The following RBMS3 variants were observed in gnomAD, a reference collection of about 807,000 sequenced individuals.
RBMS3 encodes RNA-binding motif, single-stranded-interacting protein 3.
RBMS3 carries 27 observed loss-of-function variants against 66.8 expected under a neutral mutation model. The ratio of observed to expected loss-of-function variants is 0.40; its 90% CI spans 0.30 to 0.56. The LOEUF (loss-of-function observed/expected upper bound fraction) is 0.56. RBMS3 is among the 20% of genes least tolerant of loss of function. The pLI, the probability that RBMS3 is intolerant of heterozygous loss-of-function variation, is 0.40. For missense variants in RBMS3, 513 were observed against 549.5 expected (o/e 0.93, Z 0.66); for synonymous variants, 188 against 183.0 (o/e 1.03, Z -0.22).
chr3:29,918,251 T>C lies in RBMS3; in HGVS notation c.940-17835T>C, dbSNP rs200406574. Among the ~76,000 whole-genome samples, 6 of 152,324 alleles carry C rather than the reference T, an allele frequency of 3.9e-5. No homozygotes were observed. In the East Asian group the frequency reaches 1.2e-3, roughly 29 times the overall value. The stretch of plus-strand genomic sequence containing the variant: ...AAAATTATTATTGGATTCTTCTGTA[T>C]ATGAAAGACAAAATATTAGTATGTT... On this transcript the variant is annotated intron_variant, in intron 10 of 14. Coordinates refer to ENST00000383767, the MANE Select transcript of RBMS3 (RefSeq NM_001003793.3).
At chr3:29,503,106 C>A (rs976511724) in intron 3 of RBMS3, among the ~76,000 whole-genome samples, 1 of 151,942 alleles carries the variant, frequency 6.6e-6, no homozygotes, top group African/African-American at 2.4e-5. Context: ...TGGATGAATC[C>A]AGAGATAAAC....
At chr3:29,596,869 A>T (rs2047963030) in intron 4 of RBMS3, among the ~76,000 whole-genome samples, 1 of 152,184 alleles carries the variant, frequency 6.6e-6, no homozygotes, top group Non-Finnish European at 1.5e-5. Flanking sequence ...AGTACTGGTT[A>T]TATTTTAATG....
At chr3:29,786,243 T>A (rs2149418569) in intron 6 of RBMS3, among the ~76,000 whole-genome samples, 1 of 152,200 alleles carries the variant, frequency 6.6e-6, no homozygotes, top group East Asian at 1.9e-4. Flanking sequence ...GAATCAGTGT[T>A]GTGAAAATGA....
intron 3 of RBMS3, among the ~76,000 whole-genome samples, chr3:29,535,734 T>C (rs2149001362): frequency 7.1e-6 from 1 of 141,638 alleles, no homozygotes; most frequent in South Asian, 2.3e-4. Flanking sequence ...TTTTTTTTTT[T>C]TTTTTTTGCT....
intron 1 of RBMS3, among the ~76,000 whole-genome samples, chr3:29,357,364 C>G (rs1167950486): frequency 6.6e-6 from 1 of 152,160 alleles, no homozygotes; most frequent in Non-Finnish European, 1.5e-5. Context: ...CATGTCCCTA[C>G]AAAGGACATG....
intron 3 of RBMS3, among the ~76,000 whole-genome samples, chr3:29,498,614 T>C (rs1397666412): frequency 1.3e-5 from 2 of 152,220 alleles, no homozygotes; most frequent in African/African-American, 4.8e-5. Flanking sequence ...ATGATCTTAG[T>C]TTCCTTGGAC....
At chr3:29,575,279 A>G (rs2047080001) in intron 3 of RBMS3, among the ~76,000 whole-genome samples, 1 of 151,284 alleles carries the variant, frequency 6.6e-6, no homozygotes, top group African/African-American at 2.4e-5. Context: ...ATTCAAGGGT[A>G]AAAGTTTTTT....
At chr3:29,792,221 C>T (rs2057036543) in intron 6 of RBMS3, among the ~76,000 whole-genome samples, 1 of 152,142 alleles carries the variant, frequency 6.6e-6, no homozygotes, top group South Asian at 2.1e-4. Flanking sequence ...GGATGTAGAA[C>T]AATATCCAAA....
At chr3:29,996,835 C>A (rs1343376227) in intron 14 of RBMS3, among the ~76,000 whole-genome samples, 1 of 152,036 alleles carries the variant, frequency 6.6e-6, no homozygotes, top group Non-Finnish European at 1.5e-5. Context: ...AAAATTGACA[C>A]CCTAATATCA....
rs188175152 is a variant in RBMS3 at position 29,507,525 on chromosome 3, C to A, written c.307+19026C>A. On this transcript the variant is annotated intron_variant, in intron 3 of 14. Transcript: ENST00000383767. ...AAAAAAAGACAAATCTATGTATGCT[C>A]TGCTAATAACTAGGTCAAAATGTGA... Among the ~76,000 whole-genome samples, 4 of 152,094 alleles carry A rather than the reference C, an allele frequency of 2.6e-5. No individual in the cohort carries two copies. The East Asian group carries it at 7.7e-4, about 29-fold the overall frequency.
intron 6 of RBMS3, among the ~76,000 whole-genome samples, chr3:29,790,582 A>G (rs1192621321): frequency 6.6e-6 from 1 of 152,114 alleles, no homozygotes; most frequent in Non-Finnish European, 1.5e-5. Context: ...GCCTACATAG[A>G]TGTCAGAGAT....
Position 29,596,429 on chromosome 3 carries a change from C to T in RBMS3, c.399+9224C>T, listed in dbSNP as rs183593054. On this transcript the variant is annotated intron_variant, in intron 4 of 14. Coordinates refer to ENST00000383767, the MANE Select transcript of RBMS3 (RefSeq NM_001003793.3). ...GCAAAAAGGCAAGGAGACAGACAAA[C>T]GGATGCAGGGAATAAAGGAGATTAT... is the stretch of plus-strand genomic sequence containing the variant. Among the ~76,000 whole-genome samples the T allele has an allele frequency of 5.3e-5, 8 of 152,306 alleles. No homozygotes were observed. In the East Asian group the frequency reaches 5.8e-4, roughly 11 times the overall value.
At chr3:29,360,060 G>A (rs552885836) in intron 1 of RBMS3, among the ~76,000 whole-genome samples, 1 of 152,048 alleles carries the variant, frequency 6.6e-6, no homozygotes, top group East Asian at 1.9e-4. Context: ...GTTCTGCTCT[G>A]ATCTTAGTTA....
At chr3:30,003,105 C>T (rs779728633) in intron 14 of RBMS3, among the ~76,000 whole-genome samples, 114 of 152,066 alleles carry the variant, frequency 7.5e-4, no homozygotes, top group Non-Finnish European at 1.3e-3. Context: ...TCTATAGCAC[C>T]ACTCTGAAGT....
At chr3:29,876,225 G>A (rs1374267361) in intron 7 of RBMS3, among the ~76,000 whole-genome samples, 1 of 151,968 alleles carries the variant, frequency 6.6e-6, no homozygotes, top group African/African-American at 2.4e-5. Context: ...AATTTGGTTT[G>A]AGCCCACATC....
intron 1 of RBMS3, among the ~76,000 whole-genome samples, chr3:29,357,042 T>C (rs1420750179): frequency 1.3e-5 from 2 of 152,116 alleles, no homozygotes; most frequent in African/African-American, 4.8e-5. Flanking sequence ...TTTTATTTTA[T>C]TTTTATATAT....
intron 1 of RBMS3, among the ~76,000 whole-genome samples, chr3:29,339,218 A>G (rs112074358): frequency 4.6e-5 from 7 of 152,184 alleles, no homozygotes; most frequent in South Asian, 4.1e-4. Flanking sequence ...CTAGGCCCCA[A>G]TCCTGTTTTC....
chr3:29,993,077 A>C (rs1698988410), intron 14 of RBMS3, among the ~76,000 whole-genome samples: 1 of 151,918 alleles, frequency 6.6e-6, no homozygotes, highest in African/African-American at 2.4e-5. Context: ...TTAGGTCTAA[A>C]GTCAGTTTTA....
chr3:29,709,269 C>T (rs1286900490), intron 4 of RBMS3, among the ~76,000 whole-genome samples: 1 of 152,148 alleles, frequency 6.6e-6, no homozygotes, highest in Non-Finnish European at 1.5e-5. Flanking sequence ...ATTACAGTCA[C>T]ATTGTAGGAT....
Sources: allele counts gnomAD v4.1 joint callset (sites outside exome capture counted in the v4.1 genomes callset), GRCh38; gene constraint gnomAD v4.1.1; transcripts MANE v1.5; gene names NCBI Gene and HGNC (gene_info 2026-07-23, HGNC 2026-07-21).